ARFGEF2: variants seen among roughly 807,000 people sequenced by gnomAD.
The protein encoded by ARFGEF2 is ARF guanine nucleotide exchange factor 2.
In ARFGEF2, 74 loss-of-function variants were observed where a neutral mutation model predicts 219.9. The ratio of observed to expected loss-of-function variants is 0.34; its 90% CI spans 0.28 to 0.41. The LOEUF is 0.41. Among genes scored for constraint, ARFGEF2 ranks in the 10% least tolerant of loss-of-function variants. ARFGEF2 has a pLI of 1.00. For synonymous variants in ARFGEF2, 733 were observed against 799.2 expected (o/e 0.92, Z 1.40); for missense variants, 1,743 against 2,218.3 (o/e 0.79, Z 4.30).
At chr20:48,995,491 T>G (rs1238468664) in intron 22 of ARFGEF2, among the ~76,000 whole-genome samples, 1 of 152,200 alleles carries the variant, frequency 6.6e-6, no homozygotes, top group African/African-American at 2.4e-5. Flanking sequence ...ATCAATTGAT[T>G]CAAATTTGTT....
chr20:49,005,883 G>C (rs2091456379), intron 26 of ARFGEF2, among the ~76,000 whole-genome samples: 1 of 152,128 alleles, frequency 6.6e-6, no homozygotes, highest in Non-Finnish European at 1.5e-5. Context: ...CCCCCAGGGA[G>C]GTCATAAAAG....
rs1226526067 is a variant in ARFGEF2, at chr20:49,033,270, G to A, written c.*71G>A. 6 of 1,567,314 alleles carry A rather than the reference G, an allele frequency of 3.8e-6. No individual in the cohort carries two copies. The highest frequency in any genetic ancestry group is 1.9e-4 in the Middle Eastern group (1 of 5,202). On this transcript the variant is annotated 3_prime_UTR_variant, in exon 39 of 39. Coordinates refer to ENST00000371917, the MANE Select transcript of ARFGEF2 (RefSeq NM_006420.3). ...ATGCCATTTCTGACTGGCACATCTC[G>A]TGAAGTTTCATAGAAACAAGGAGTT...
intron 26 of ARFGEF2, among the ~76,000 whole-genome samples, chr20:49,007,278 A>C (rs1266837944): frequency 7.0e-6 from 1 of 143,288 alleles, no homozygotes; most frequent in African/African-American, 2.6e-5. Flanking sequence ...TGTACTTCAG[A>C]TCAGCCTGGA....
At position 49,028,558 on chromosome 20, in the gene ARFGEF2, T is replaced by C; in HGVS notation, c.4953T>C (p.Leu1651=). Residue 1651 remains leucine (L), a synonymous_variant, in exon 37 of 39, where the codon CTT becomes CTC. Coordinates refer to ENST00000371917, the MANE Select transcript of ARFGEF2 (RefSeq NM_006420.3). ...TTAAGGGCAAGTCTAAACCCAATCT[T>C]CTAAAACAAGAAACCAGCAGCCTGG... The part of the protein sequence containing the change: ...AGFKGKSKPN[L]LKQETSSLAC... The C allele has an allele frequency of 6.2e-7, 1 of 1,614,234 alleles. No individual in the cohort carries two copies. Among genetic ancestry groups the C allele is most frequent in the South Asian group, 1.1e-5 (1 of 91,088 alleles).
At chr20:48,980,845 C>T (rs2091291351) in intron 14 of ARFGEF2, among the ~76,000 whole-genome samples, 1 of 152,126 alleles carries the variant, frequency 6.6e-6, no homozygotes, top group Admixed American at 6.5e-5. Context: ...GTAGATCTTC[C>T]TCCATCCCTA....
At chr20:48,987,422 C>T (rs950217837) in intron 16 of ARFGEF2, among the ~76,000 whole-genome samples, 2 of 152,196 alleles carry the variant, frequency 1.3e-5, no homozygotes, top group Admixed American at 6.5e-5. Flanking sequence ...AAAAGTCAGA[C>T]TTCACCAACA....
chr20:48,969,680 T>A (rs1017048059), intron 9 of ARFGEF2, among the ~76,000 whole-genome samples: 6 of 152,210 alleles, frequency 3.9e-5, no homozygotes, highest in Admixed American at 3.9e-4. Context: ...AGCCCCAGAT[T>A]CGACACAGGG....
chr20:48,998,134 A>G, intron 23 of ARFGEF2, 59 bp from the exon 24 acceptor site: 2 of 1,518,096 alleles, frequency 1.3e-6, no homozygotes, highest in South Asian at 2.3e-5. Flanking sequence ...TGCTGAGATT[A>G]CAGGTGTGAG....
chr20:48,998,460 A>G lies in ARFGEF2; in HGVS notation c.3387A>G (p.Leu1129=), dbSNP rs768136820. 5.0e-6 allele frequency: 8 copies of G among 1,614,080 alleles called. No individual in the cohort carries two copies. Among genetic ancestry groups the G allele is most frequent in the East Asian group, 2.2e-5 (1 of 44,878 alleles). The stretch of plus-strand genomic sequence containing the variant: ...ACTACAACATGAATCGGATCCGACT[A>G]CAGTGGTCTCGAATATGGCATGTGA... ...ISYYNMNRIR[L]QWSRIWHVIG... The change falls in exon 25 of 39, where the codon CTA becomes CTG. Residue 1129 remains leucine, a synonymous_variant. Coordinates refer to ENST00000371917, the MANE Select transcript of ARFGEF2 (RefSeq NM_006420.3).
chr20:48,989,718 G>C (rs769449651), intron 20 of ARFGEF2, 34 bp downstream of exon 20: 3 of 1,613,460 alleles, frequency 1.9e-6, no homozygotes, highest in Non-Finnish European at 2.5e-6. Flanking sequence ...CAGAGATACT[G>C]GTGGGTTGTG....
chr20:49,021,524 C>A (rs1021584830), intron 34 of ARFGEF2, among the ~76,000 whole-genome samples: 8 of 151,898 alleles, frequency 5.3e-5, no homozygotes, highest in Non-Finnish European at 2.9e-5. Flanking sequence ...GAAACCACAC[C>A]GCTAATTTGA....
At chr20:48,984,911 C>G (rs538722366) in intron 15 of ARFGEF2, 71 bp downstream of exon 15, 1 of 1,610,036 alleles carries the variant, frequency 6.2e-7, no homozygotes, top group East Asian at 2.2e-5. Context: ...CAGTTTTAAC[C>G]TCGAGATTGT....
intron 6 of ARFGEF2, among the ~76,000 whole-genome samples, chr20:48,955,698 A>T (rs1289004515): frequency 6.6e-6 from 1 of 152,252 alleles, no homozygotes; most frequent in Admixed American, 6.5e-5. Context: ...TCCCAGGAAC[A>T]TGGGAATCAG....
chr20:48,927,687 C>T (rs1254051230), intron 1 of ARFGEF2, among the ~76,000 whole-genome samples: 1 of 124,938 alleles, frequency 8.0e-6, no homozygotes, highest in African/African-American at 3.0e-5. Context: ...GACTCTGTCT[C>T]AAAAAAAAAA....
chr20:48,991,461 G>A (rs925123448), intron 21 of ARFGEF2, among the ~76,000 whole-genome samples: 5 of 150,610 alleles, frequency 3.3e-5, no homozygotes, highest in Admixed American at 6.6e-5. Flanking sequence ...CCATATTAGT[G>A]CCATTTTTTT....
chr20:49,008,744 GTC>G, intron 26 of ARFGEF2, among the ~76,000 whole-genome samples: 1 of 113,376 alleles, frequency 8.8e-6, no homozygotes, highest in East Asian at 2.5e-4. Context: ...GTCTTGCCCT[GTC>G]GCCCAGGCTG....
intron 12 of ARFGEF2, 62 bp from the exon 13 acceptor site, chr20:48,974,704 G>A (rs895098457): frequency 3.7e-6 from 5 of 1,368,292 alleles, no homozygotes; most frequent in South Asian, 2.5e-5. Flanking sequence ...AGAAAGCCTC[G>A]TAGATGTCTG....
At chr20:48,944,678 C>T (rs1224026579) in intron 3 of ARFGEF2, among the ~76,000 whole-genome samples, 1 of 152,096 alleles carries the variant, frequency 6.6e-6, no homozygotes, top group Non-Finnish European at 1.5e-5. Context: ...GTTGCCCAGG[C>T]TGGTCTAGAA....
At chr20:48,997,058 C>T (rs1239466864) in intron 23 of ARFGEF2, among the ~76,000 whole-genome samples, 1 of 151,994 alleles carries the variant, frequency 6.6e-6, no homozygotes, top group Admixed American at 6.6e-5. Context: ...TTATTAACCA[C>T]GTAGTTTCCT....
Sources: gnomAD v4.1 joint callset for allele counts (sites outside exome capture counted in the v4.1 genomes callset) on GRCh38, gnomAD v4.1.1 for gene constraint, MANE v1.5 for transcripts, NCBI Gene and HGNC (gene_info 2026-07-23, HGNC 2026-07-21) for gene names.